FGF13: variants seen among roughly 807,000 people sequenced by gnomAD.
FGF13 encodes fibroblast growth factor 13, also known as fibroblast growth factor homologous factor 2.
A neutral mutation model predicts 19.5 loss-of-function variants in FGF13; 2 were observed. The ratio of observed to expected loss-of-function variants is 0.10; its 90% CI spans 0.04 to 0.32. FGF13 has a LOEUF of 0.32. FGF13 is among the 10% of genes least tolerant of loss of function. The pLI is 1.00. For synonymous variants in FGF13, 72 were observed against 76.9 expected (o/e 0.94, Z 0.33); for missense variants, 113 against 192.7 (o/e 0.59, Z 2.45).
intron 3 of FGF13, among the ~76,000 whole-genome samples, chrX:138,776,045 C>A (rs1314596290): frequency 8.9e-6 from 1 of 112,435 alleles, no homozygotes; most frequent in Non-Finnish European, 1.9e-5. Context: ...TGGAGAAGCT[C>A]AGTGGGCCTT....
intron 3 of FGF13, among the ~76,000 whole-genome samples, chrX:138,821,600 T>C (rs2091000066): frequency 8.9e-6 from 1 of 112,327 alleles, no homozygotes; most frequent in Non-Finnish European, 1.9e-5. Flanking sequence ...GATTAAATGT[T>C]GAAATAATAT....
intron 2 of FGF13, among the ~76,000 whole-genome samples, chrX:138,864,285 C>A (rs2091305174): frequency 1.8e-5 from 2 of 112,638 alleles, no homozygotes; most frequent in African/African-American, 6.4e-5. Flanking sequence ...GAGAGTTTGG[C>A]CCATACAATG....
At chrX:138,972,902 A>C (rs1054093458) in intron 1 of FGF13, among the ~76,000 whole-genome samples, 1 of 41,832 alleles carries the variant, frequency 2.4e-5, no homozygotes, top group Admixed American at 2.4e-4. Flanking sequence ...TGAATAATTT[A>C]CTTCATTATT....
In FGF13 at chrX:139,143,785, T is replaced by G. The variant is rs149033327; in HGVS notation, c.-113+59631A>C. On this transcript the variant is annotated intron_variant, in intron 1 of 2. Coordinates refer to the FGF13 transcript ENST00000421460. ...TCCACTAGGGCATTGCTGGAGCCTTTGAGCACAGATTGGGGATGCATCAAA... is the reference window on the plus strand; with the variant it reads ...TCCACTAGGGCATTGCTGGAGCCTTGGAGCACAGATTGGGGATGCATCAAA... 5.2e-3 allele frequency among the ~76,000 whole-genome samples: 585 copies of G among 111,713 alleles called. 4 individuals carry two copies. Among genetic ancestry groups the G allele is most frequent in the African/African-American group, 0.018 (553 of 30,752 alleles).
intron 3 of FGF13, among the ~76,000 whole-genome samples, chrX:138,799,741 T>C (rs2090813009): frequency 9.1e-6 from 1 of 110,312 alleles, no homozygotes; most frequent in Non-Finnish European, 1.9e-5. Context: ...AGTGGGTGTG[T>C]ATATATGCAT....
At chrX:139,086,914 G>A (rs2083407638) in intron 1 of FGF13, among the ~76,000 whole-genome samples, 1 of 112,574 alleles carries the variant, frequency 8.9e-6, no homozygotes, top group Non-Finnish European at 1.9e-5. Context: ...AGAGATGTAT[G>A]TTATTAACCA....
At chrX:138,986,381 C>T (rs1268955009) in intron 1 of FGF13, among the ~76,000 whole-genome samples, 4 of 111,429 alleles carry the variant, frequency 3.6e-5, no homozygotes, top group East Asian at 2.8e-4. Context: ...GGTCTAAGAT[C>T]GAACAATGAG....
chrX:139,166,046 A>G (rs1327766847), intron 1 of FGF13, among the ~76,000 whole-genome samples: 4 of 111,733 alleles, frequency 3.6e-5, no homozygotes, highest in African/African-American at 1.3e-4. Flanking sequence ...GAATGAGCTA[A>G]GACTCTGGAG....
Position 138,620,508 on chromosome X carries a change from A to AAAC in FGF13, c.*12339_*12341dup, listed in dbSNP as rs1638467904. ...AAAAATTATTAAAAAAAAAGAAATC[A>AAAC]AACCATAGTACTACAGGAAAATCAT... On this transcript the variant is annotated 3_prime_UTR_variant, in exon 5 of 5. Coordinates refer to ENST00000315930, the MANE Select transcript of FGF13 (RefSeq NM_004114.5). 1 of 111,377 alleles carries AAAC rather than the reference A, an allele frequency of 9.0e-6. No homozygotes were observed. Among genetic ancestry groups the AAAC allele is most frequent in the Admixed American group, 9.6e-5 (1 of 10,403 alleles). 9.2% of individuals were successfully genotyped at this position (111,377 alleles called of 1,213,427 possible).
intron 1 of FGF13, among the ~76,000 whole-genome samples, chrX:139,055,127 A>T (rs1488565849): frequency 9.0e-6 from 1 of 111,240 alleles, no homozygotes; most frequent in African/African-American, 3.3e-5. Context: ...TATTGTCAGC[A>T]GTGACAGTCT....
intron 3 of FGF13, among the ~76,000 whole-genome samples, chrX:138,802,324 C>T (rs1045401573): frequency 7.2e-5 from 8 of 111,019 alleles, no homozygotes; most frequent in Non-Finnish European, 1.5e-4. Flanking sequence ...CAGTCCCTCA[C>T]GGCTTCCCTT....
In FGF13 at chrX:138,786,712, T is replaced by C. The variant is rs769776047; in HGVS notation, c.217+70800A>G. On this transcript the variant is annotated intron_variant, in intron 3 of 6. Coordinates refer to the FGF13 transcript ENST00000436198. ...CCCAAGGAAAGGCAACAGAAACTTT[T>C]TGGCCTCTCGACTTCAGGTCCCATG... Among the ~76,000 whole-genome samples, 14 of 111,911 alleles carry C rather than the reference T, an allele frequency of 1.3e-4. 1 individual carries two copies. The South Asian group carries it at 5.3e-3, about 42-fold the overall frequency.
intron 1 of FGF13, among the ~76,000 whole-genome samples, chrX:139,047,786 C>T (rs983402396): frequency 8.9e-6 from 1 of 111,781 alleles, no homozygotes; most frequent in African/African-American, 3.3e-5. Context: ...TGTCAAATGG[C>T]AAAAGCACGA....
intron 1 of FGF13, among the ~76,000 whole-genome samples, chrX:138,869,926 G>A (rs948285868): frequency 9.8e-5 from 11 of 111,749 alleles, no homozygotes; most frequent in African/African-American, 1.3e-4. Flanking sequence ...GTTAGAACCC[G>A]CTCCAAATTT....
At chrX:138,937,263 A>G (rs1444101135) in intron 1 of FGF13, among the ~76,000 whole-genome samples, 1 of 111,628 alleles carries the variant, frequency 9.0e-6, no homozygotes, top group Non-Finnish European at 1.9e-5. Flanking sequence ...TCCTTTGTGT[A>G]TATCATGGGG....
At chrX:138,817,497 T>A (rs1334193220) in intron 3 of FGF13, among the ~76,000 whole-genome samples, 2 of 112,302 alleles carry the variant, frequency 1.8e-5, no homozygotes, top group Admixed American at 9.5e-5. Context: ...ATTGGCAGGC[T>A]AAACTTTATA....
upstream of FGF13, among the ~76,000 whole-genome samples, chrX:138,740,108 T>C (rs2090309168): frequency 8.9e-6 from 1 of 112,080 alleles, no homozygotes; most frequent in South Asian, 3.7e-4. Flanking sequence ...TTTTGCTTTA[T>C]GGAAGACCCA....
intron 1 of FGF13, among the ~76,000 whole-genome samples, chrX:138,954,443 T>C (rs2091831226): frequency 1.8e-5 from 2 of 111,945 alleles, no homozygotes; most frequent in South Asian, 3.7e-4. Flanking sequence ...ACCAGTTGTG[T>C]GGCCTTAGGT....
At chrX:139,001,699 G>T (rs2092074138) in intron 1 of FGF13, among the ~76,000 whole-genome samples, 2 of 111,899 alleles carry the variant, frequency 1.8e-5, no homozygotes. Flanking sequence ...ACAGATGCTG[G>T]AGAGGATGTG....
Sources: gnomAD v4.1 joint callset for allele counts (sites outside exome capture counted in the v4.1 genomes callset) on GRCh38, gnomAD v4.1.1 for gene constraint, MANE v1.5 for transcripts, NCBI Gene and HGNC (gene_info 2026-07-23, HGNC 2026-07-21) for gene names.